Variants in GMDS observed in about 807,000 individuals in gnomAD.
The protein encoded by GMDS is GDP-mannose 4,6-dehydratase.
Under a neutral mutation model 49.9 loss-of-function variants are expected in GMDS, and 20 were observed. The ratio of observed to expected loss-of-function variants is 0.40; its 90% CI spans 0.28 to 0.58. The LOEUF is 0.58. Among genes scored for constraint, GMDS ranks in the 20% least tolerant of loss-of-function variants. The probability of loss-of-function intolerance (pLI) is 0.42; values close to 1 mark genes in which losing one functional copy is unlikely to be tolerated. For missense variants in GMDS, 362 were observed against 481.4 expected, an observed-to-expected ratio of 0.75 and a Z score of 2.32; for synonymous variants, 177 against 178.6, an observed-to-expected ratio of 0.99 and a Z score of 0.07.
At chr6:2,215,415 A>G (rs928497098) in intron 1 of GMDS, among the ~76,000 whole-genome samples, 19 of 152,180 alleles carry the variant, frequency 1.2e-4, no homozygotes, top group Admixed American at 3.9e-4. Flanking sequence ...GAGCCAAGCA[A>G]AAGGGTTTCC....
chr6:1,903,353 A>G (rs1268171487), intron 7 of GMDS, among the ~76,000 whole-genome samples: 1 of 152,220 alleles, frequency 6.6e-6, no homozygotes, highest in East Asian at 1.9e-4. Flanking sequence ...ATTGCTTTTC[A>G]TATGAATTTC....
chr6:1,656,276 C>T (rs1763876166), intron 9 of GMDS, among the ~76,000 whole-genome samples: 1 of 152,192 alleles, frequency 6.6e-6, no homozygotes, highest in South Asian at 2.1e-4. Context: ...TTTGAAATGT[C>T]ACTACTGTCT....
At chr6:1,673,339 G>C (rs566118778) in intron 9 of GMDS, among the ~76,000 whole-genome samples, 2 of 149,848 alleles carry the variant, frequency 1.3e-5, no homozygotes, top group African/African-American at 4.9e-5. Flanking sequence ...TCAACTTCGT[G>C]ACTTCTCCTC....
At chr6:2,227,418 T>C (rs1483947023) in intron 1 of GMDS, among the ~76,000 whole-genome samples, 1 of 152,188 alleles carries the variant, frequency 6.6e-6, no homozygotes, top group African/African-American at 2.4e-5. Context: ...ATCAGAACCA[T>C]GCTTTATGGA....
chr6:2,207,108 A>G (rs563776473), intron 1 of GMDS, among the ~76,000 whole-genome samples: 28 of 152,142 alleles, frequency 1.8e-4, no homozygotes, highest in Non-Finnish European at 4.1e-4. Context: ...CATCATGTAA[A>G]AGAAGTCTGA....
rs986107510 is a variant in GMDS, at chr6:1,683,280, C to T, written c.987+43136G>A. On this transcript the variant is annotated intron_variant, in intron 9 of 10. Transcript: ENST00000380815. Reference sequence around the variant, plus strand: ...CTGGGACTACAGGCGCCCGCCACCACGCCCGGCTAGTTTTTTGTATTTTTA... The same window carrying T: ...CTGGGACTACAGGCGCCCGCCACCATGCCCGGCTAGTTTTTTGTATTTTTA... 1.1e-4 allele frequency among the ~76,000 whole-genome samples: 16 copies of T among 152,292 alleles called. No individual in the cohort carries two copies. In the South Asian group the frequency reaches 1.7e-3, roughly 16 times the overall value.
Position 1,661,170 on chromosome 6 carries a change from G to A in GMDS, c.988-36630C>T, listed in dbSNP as rs149502910. On this transcript the variant is annotated intron_variant, in intron 9 of 10. Coordinates refer to ENST00000380815, the MANE Select transcript of GMDS (RefSeq NM_001500.4). ...TGCTACGGAGCGCTGTAACTGGCCT[G>A]AAGTCTGCGTACAGGCCTCACTGAT... Among the ~76,000 whole-genome samples the A allele has an allele frequency of 8.6e-3, 1,303 of 152,238 alleles. 19 individuals are homozygous for A. The highest frequency in any genetic ancestry group is 0.03 in the African/African-American group (1,265 of 41,514).
chr6:1,960,751 C>T, intron 5 of GMDS, 23 bp downstream of exon 5: 1 of 1,490,486 alleles, frequency 6.7e-7, no homozygotes, highest in Non-Finnish European at 9.2e-7. Context: ...CACATGTGCT[C>T]CGGTGTGCAC....
chr6:1,736,540 G>C (rs1000344334), intron 8 of GMDS, among the ~76,000 whole-genome samples: 1 of 152,174 alleles, frequency 6.6e-6, no homozygotes, highest in Non-Finnish European at 1.5e-5. Context: ...TAGCTCTAAT[G>C]GGGATTTTGA....
chr6:1,808,312 A>C (rs1770266693), intron 7 of GMDS, among the ~76,000 whole-genome samples: 2 of 152,210 alleles, frequency 1.3e-5, no homozygotes, highest in African/African-American at 4.8e-5. Flanking sequence ...GCTAAGTTAA[A>C]GGTAGTCCTG....
chr6:1,871,637 T>C (rs1758760542), intron 7 of GMDS, among the ~76,000 whole-genome samples: 2 of 152,372 alleles, frequency 1.3e-5, no homozygotes, highest in South Asian at 4.1e-4. Context: ...GTAATGATCC[T>C]TGTTTTAAAC....
At chr6:1,693,177 G>C (rs1765232656) in intron 9 of GMDS, among the ~76,000 whole-genome samples, 2 of 152,210 alleles carry the variant, frequency 1.3e-5, no homozygotes, top group Admixed American at 1.3e-4. Flanking sequence ...CTGGCTGGTG[G>C]AAACAGGCCA....
chr6:1,901,391 T>A (rs1263910642), intron 7 of GMDS, among the ~76,000 whole-genome samples: 3 of 152,186 alleles, frequency 2.0e-5, no homozygotes, highest in Admixed American at 2.0e-4. Flanking sequence ...CTACATTAGG[T>A]CTGTTAAGTC....
chr6:1,749,097 C>T (rs1401658018), intron 7 of GMDS, among the ~76,000 whole-genome samples: 2 of 152,184 alleles, frequency 1.3e-5, no homozygotes, highest in Non-Finnish European at 2.9e-5. Flanking sequence ...CCTCTACCAA[C>T]TTCATTGCAC....
chr6:1,725,050 T>C (rs1766525762), intron 9 of GMDS, among the ~76,000 whole-genome samples: 1 of 152,206 alleles, frequency 6.6e-6, no homozygotes, highest in African/African-American at 2.4e-5. Context: ...ACTTTCAGTC[T>C]CTCTTCACTG....
intron 4 of GMDS, among the ~76,000 whole-genome samples, chr6:2,046,868 C>T (rs1235186659): frequency 6.6e-6 from 1 of 152,156 alleles, no homozygotes; most frequent in Non-Finnish European, 1.5e-5. Context: ...ATTTTTCAAA[C>T]TGTTGGGGGC....
intron 7 of GMDS, among the ~76,000 whole-genome samples, chr6:1,842,885 C>T (rs1034436111): frequency 6.6e-6 from 1 of 151,938 alleles, no homozygotes; most frequent in African/African-American, 2.4e-5. Context: ...GATGCCAAGG[C>T]AGGTGGATTG....
At chr6:1,959,771 T>G in intron 6 of GMDS, 96 bp downstream of exon 6, 1 of 527,896 alleles carries the variant, frequency 1.9e-6, no homozygotes, top group East Asian at 3.2e-5. Context: ...AGATAGGAAA[T>G]TTTTCAGTCT....
At position 2,185,842 on chromosome 6, in the gene GMDS, C is replaced by T. The variant is rs192155997; in HGVS notation, c.102+59479G>A. ...CTATGTAGTAAGGCTGGGGCTGCACCCTGAGTTTCTAGAATATGCTCACAT... is the reference window on the plus strand; with the variant it reads ...CTATGTAGTAAGGCTGGGGCTGCACTCTGAGTTTCTAGAATATGCTCACAT... On this transcript the variant is annotated intron_variant, in intron 1 of 10. Coordinates refer to ENST00000380815, the MANE Select transcript of GMDS (RefSeq NM_001500.4). Among the ~76,000 whole-genome samples the T allele has an allele frequency of 3.9e-5, 6 of 152,264 alleles. No individual in the cohort carries two copies. In the East Asian group the frequency reaches 9.6e-4, roughly 24 times the overall value.
Sources: allele counts gnomAD v4.1 joint callset (sites outside exome capture counted in the v4.1 genomes callset), GRCh38; gene constraint gnomAD v4.1.1; transcripts MANE v1.5; gene names NCBI Gene and HGNC (gene_info 2026-07-23, HGNC 2026-07-21).